SOHLH1: variants seen among roughly 807,000 people sequenced by gnomAD.
SOHLH1 encodes the protein spermatogenesis- and oogenesis-specific basic helix-loop-helix-containing protein 1.
Under a neutral mutation model 36.2 loss-of-function variants are expected in SOHLH1, and 23 were observed. That is an observed-to-expected ratio of 0.64 (90% CI 0.46 to 0.90). The LOEUF (loss-of-function observed/expected upper bound fraction) is 0.90, where lower values mean the gene tolerates loss of function less well. SOHLH1 is among the 40% of genes least tolerant of loss of function. The probability of loss-of-function intolerance (pLI) is 0.00; values close to 1 mark genes in which losing one functional copy is unlikely to be tolerated. For synonymous variants in SOHLH1, 289 were observed against 228.3 expected (o/e 1.27, Z -2.40); for missense variants, 608 against 517.0 (o/e 1.18, Z -1.71).
intron 3 of SOHLH1, 44 bp from the exon 4 acceptor site, chr9:135,697,671 G>A (rs554494276): frequency 2.1e-5 from 34 of 1,593,076 alleles, no homozygotes; most frequent in Non-Finnish European, 2.4e-5. Flanking sequence ...GAGACAGTCA[G>A]CTGAGAAACC....
rs543828189 is a variant in SOHLH1 at position 135,693,480 on chromosome 9, C to T, written c.*117G>A. The T allele has an allele frequency of 1.5e-6, 2 of 1,368,472 alleles. No homozygotes were observed. Among genetic ancestry groups the T allele is most frequent in the African/African-American group, 1.5e-5 (1 of 68,520 alleles). 84.8% of individuals were successfully genotyped at this position (1,368,472 alleles called of 1,614,324 possible). ...CTCTTCTCACAGCCTGTAAGCCTCG[C>T]TCAAATTAGGGTGCAGCTGCAACCC... On this transcript the variant is annotated 3_prime_UTR_variant, in exon 8 of 8. Coordinates refer to ENST00000425225, the MANE Select transcript of SOHLH1 (RefSeq NM_001101677.2).
intron 5 of SOHLH1, among the ~76,000 whole-genome samples, chr9:135,696,198 C>G (rs1206408043): frequency 6.6e-6 from 1 of 151,848 alleles, no homozygotes; most frequent in African/African-American, 2.4e-5. Context: ...TCCTGCAGAC[C>G]CAGGGAGTGA....
chr9:135,693,847 G>T (rs1220054841), intron 7 of SOHLH1, 33 bp from the exon 8 acceptor site: 1 of 1,528,778 alleles, frequency 6.5e-7, no homozygotes, highest in African/African-American at 1.4e-5. Context: ...GGCAGGGCAG[G>T]CAGGTGCTCT....
intron 3 of SOHLH1, 115 bp from the exon 4 acceptor site, chr9:135,697,742 C>A (rs576433202): frequency 5.4e-6 from 7 of 1,304,798 alleles, no homozygotes; most frequent in Non-Finnish European, 6.4e-6. Flanking sequence ...GCTCGGTCCC[C>A]GCTTGGAACT....
In SOHLH1 at chr9:135,695,101, G is replaced by C. The variant is rs768880996; in HGVS notation, c.824C>G (p.Ala275Gly). Residue 275 changes from alanine to glycine, a missense_variant, in exon 6 of 8, where the codon GCA (alanine) becomes GGA (glycine). Transcript: ENST00000425225. ...GQAGPLAMGA[A>G]PLGEPAKEDP... ...CTCCTTGGCTGGCTCCCCCAGAGGT[G>C]CAGCCCCCATGGCCAGGGGCCCAGC... 1.3e-6 allele frequency: 2 copies of C among 1,598,560 alleles called. No individual in the cohort carries two copies. The highest frequency in any genetic ancestry group is 1.7e-6 in the Non-Finnish European group (2 of 1,174,976).
chr9:135,695,272 G>T lies in SOHLH1; in HGVS notation c.662-9C>A. 3 of 1,585,036 alleles carry T rather than the reference G, an allele frequency of 1.9e-6. No individual in the cohort carries two copies. In the South Asian group the frequency reaches 3.5e-5, roughly 18 times the overall value. Reference sequence around the variant, plus strand: ...CACCAGGCTGGAAGGTTCTGGGAGAGAAGTCAGATGCGGGTCAGCCTTCCC... The same window carrying T: ...CACCAGGCTGGAAGGTTCTGGGAGATAAGTCAGATGCGGGTCAGCCTTCCC... On this transcript the variant is annotated splice_polypyrimidine_tract_variant and intron_variant, in intron 5 of 7. Transcript: ENST00000425225.
chr9:135,695,135 G>A lies in SOHLH1; in HGVS notation c.790C>T (p.Leu264=), dbSNP rs527684978. ...PVMSGEALGW[L]GQAGPLAMGA... is the part of the protein sequence containing the mutation. ...ATGGCCAGGGGCCCAGCCTGGCCCA[G>A]CCAGCCAAGGGCCTCCCCGCTCATC... The change falls in exon 6 of 8, where the codon CTG becomes TTG. Residue 264 remains leucine (L), a synonymous_variant. Transcript: ENST00000425225. 1 of 1,598,184 alleles carries A rather than the reference G, an allele frequency of 6.3e-7. No homozygotes were observed. Among genetic ancestry groups the A allele is most frequent in the African/African-American group, 1.3e-5 (1 of 74,724 alleles).
chr9:135,698,615 G>C, intron 2 of SOHLH1, 139 bp from the exon 3 acceptor site: 2 of 1,259,032 alleles, frequency 1.6e-6, no homozygotes, highest in Non-Finnish European at 2.3e-6. Flanking sequence ...AGCTGCCCCC[G>C]TGGTCTGAAG....
At chr9:135,699,183 G>A in intron 1 of SOHLH1, 57 bp from the exon 2 acceptor site, 1 of 1,550,888 alleles carries the variant, frequency 6.4e-7, no homozygotes, top group Admixed American at 1.9e-5. Context: ...GCCACCAGGA[G>A]TCCCAGATGC....
intron 5 of SOHLH1, among the ~76,000 whole-genome samples, chr9:135,696,163 G>GC (rs5901084): frequency 7.1e-3 from 48 of 6,720 alleles, no homozygotes; most frequent in Non-Finnish European, 8.1e-3. Context: ...CCAGGATGGG[G>GC]CAAGTCCCTC....
At chr9:135,694,832 T>C (rs1463154542) in intron 6 of SOHLH1, among the ~76,000 whole-genome samples, 1 of 150,202 alleles carries the variant, frequency 6.7e-6, no homozygotes, top group African/African-American at 2.5e-5. Flanking sequence ...AAGACAAAAG[T>C]GTTTCCAGAA....
At chr9:135,696,362 A>G (rs1187368149) in intron 5 of SOHLH1, among the ~76,000 whole-genome samples, 1 of 152,100 alleles carries the variant, frequency 6.6e-6, no homozygotes, top group Non-Finnish European at 1.5e-5. Context: ...GCCTTTGCCC[A>G]GGACTCTCCC....
intron 7 of SOHLH1, 35 bp downstream of exon 7, chr9:135,694,352 G>A (rs572335): frequency 0.91 from 1,465,471 of 1,612,352 alleles, 668,884 homozygotes; most frequent in East Asian, 0.97. Flanking sequence ...GTGCTTACGC[G>A]GGGGGACCAG....
At chr9:135,700,142 C>T (rs1201845307), upstream of SOHLH1, among the ~76,000 whole-genome samples, 2 of 152,270 alleles carry the variant, frequency 1.3e-5, no homozygotes, top group Middle Eastern at 3.4e-3. Flanking sequence ...ACCGTCTGTC[C>T]CTTCACCTGG....
chr9:135,698,560 G>A lies in SOHLH1; in HGVS notation c.198-84C>T. The A allele has an allele frequency of 3.1e-6, 5 of 1,592,076 alleles. No homozygotes were observed. The South Asian group carries it at 4.4e-5, about 14-fold the overall frequency. On this transcript the variant is annotated intron_variant, in intron 2 of 7. Coordinates refer to ENST00000425225, the MANE Select transcript of SOHLH1 (RefSeq NM_001101677.2). ...AGCAACTGCTAGAACCTGCCAGATA[G>A]ACCCTGGGCGCTTGTCAGGCAGAGG...
Position 135,697,635 on chromosome 9 carries a change from T to G in SOHLH1, c.346-8A>C, listed in dbSNP as rs1398679150. 6.2e-7 allele frequency: 1 copy of G among 1,609,984 alleles called. No individual in the cohort carries two copies. The highest frequency in any genetic ancestry group is 2.2e-5 in the East Asian group (1 of 44,782). On this transcript the variant is annotated splice_polypyrimidine_tract_variant and splice_region_variant and intron_variant, in intron 3 of 7. Transcript: ENST00000425225. The stretch of plus-strand genomic sequence containing the variant: ...CTTGGAGGAAGCAAGAATCTGAAAT[T>G]TAAGTAAACATGTAAAACAAAGACA...
In SOHLH1 at chr9:135,694,354, G is replaced by A. The variant is rs375219788; in HGVS notation, c.946+33C>T. 4 of 1,611,734 alleles carry A rather than the reference G, an allele frequency of 2.5e-6. No individual in the cohort carries two copies. The African/African-American group carries it at 4.0e-5, about 16-fold the overall frequency. On this transcript the variant is annotated intron_variant, in intron 7 of 7. Coordinates refer to ENST00000425225, the MANE Select transcript of SOHLH1 (RefSeq NM_001101677.2). Reference sequence around the variant, plus strand: ...CAGCTCATATCAGGTGCTTACGCGGGGGGACCAGCCCTGAACCCAGGGCCC... The same window carrying A: ...CAGCTCATATCAGGTGCTTACGCGGAGGGACCAGCCCTGAACCCAGGGCCC...
At chr9:135,698,718 G>T (rs568331703) in intron 2 of SOHLH1, among the ~76,000 whole-genome samples, 6 of 152,292 alleles carry the variant, frequency 3.9e-5, no homozygotes, top group Non-Finnish European at 8.8e-5. Context: ...GCTGCTTTGC[G>T]GTGTGGAAAA....
intron 1 of SOHLH1, 109 bp from the exon 2 acceptor site, chr9:135,699,235 G>T: frequency 6.6e-7 from 1 of 1,525,702 alleles, no homozygotes; most frequent in Non-Finnish European, 8.9e-7. Context: ...GCCAAGACTG[G>T]GTCACGTAGG....
Sources: allele counts gnomAD v4.1 joint callset (sites outside exome capture counted in the v4.1 genomes callset), GRCh38; gene constraint gnomAD v4.1.1; transcripts MANE v1.5; gene names NCBI Gene and HGNC (gene_info 2026-07-23, HGNC 2026-07-21).